The following ZNF253 variants were observed in gnomAD, a reference collection of about 807,000 sequenced individuals.
ZNF253 encodes the protein zinc finger protein 253.
ZNF253 carries 8 observed loss-of-function variants against 11.9 expected under a neutral mutation model. The observed-to-expected ratio is 0.67, with a 90% confidence interval of 0.40 to 1.22. The LOEUF (loss-of-function observed/expected upper bound fraction) is 1.22, where lower values mean the gene tolerates loss of function less well. Ranked by LOEUF, ZNF253 falls within the 50% of genes most tolerant of loss-of-function variation. The pLI is 0.01. For synonymous variants in ZNF253, 194 were observed against 194.9 expected, an observed-to-expected ratio of 1.00 and a Z score of 0.04; for missense variants, 485 against 586.9, an observed-to-expected ratio of 0.83 and a Z score of 1.79.
At chr19:19,886,087 G>T (rs1352464821) in intron 3 of ZNF253, among the ~76,000 whole-genome samples, 1 of 152,100 alleles carries the variant, frequency 6.6e-6, no homozygotes, top group Non-Finnish European at 1.5e-5. Context: ...CAGTCTCCTG[G>T]GCTCAAGTGA....
chr19:19,868,776 T>C (rs1229872075), intron 1 of ZNF253, among the ~76,000 whole-genome samples: 1 of 152,102 alleles, frequency 6.6e-6, no homozygotes, highest in Non-Finnish European at 1.5e-5. Context: ...GGCACGTGTA[T>C]ACCTATGTAA....
chr19:19,865,949 G>C lies in ZNF253; in HGVS notation c.-48G>C. ...TCCTCTGTGGCCGTGTGACCTGCAA[G>C]TATTGGGAGAGCCACAGCTAAACCC... On this transcript the variant is annotated 5_prime_UTR_variant, in exon 1 of 4. Coordinates refer to ENST00000589717, the MANE Select transcript of ZNF253 (RefSeq NM_021047.3). 1 of 1,613,988 alleles carries C rather than the reference G, an allele frequency of 6.2e-7. No individual in the cohort carries two copies. The highest frequency in any genetic ancestry group is 1.1e-5 in the South Asian group (1 of 91,072).
chr19:19,885,264 TTTC>T (rs1568498678), intron 3 of ZNF253, among the ~76,000 whole-genome samples: 32 of 66,100 alleles, frequency 4.8e-4, no homozygotes, highest in South Asian at 4.8e-3. Flanking sequence ...TCTTTCTTTC[TTTC>T]TTTCTTTCTT....
intron 1 of ZNF253, among the ~76,000 whole-genome samples, chr19:19,873,599 A>C (rs549545322): frequency 1.6e-4 from 24 of 152,172 alleles, no homozygotes; most frequent in Non-Finnish European, 2.6e-4. Context: ...GGTTGGTACC[A>C]AGATGAGAGT....
In ZNF253 at chr19:19,877,008, G is replaced by A. The variant is rs2063158541; in HGVS notation, c.4-1473G>A. Among the ~76,000 whole-genome samples the A allele has an allele frequency of 2.0e-5, 3 of 152,244 alleles. No homozygotes were observed. The South Asian group carries it at 6.2e-4, about 32-fold the overall frequency. Reference sequence around the variant, plus strand: ...TAAAAATGTTCCCTTCGTGGCTGTTGAACATGGAAAGACGTGGATACTCAA... The same window carrying A: ...TAAAAATGTTCCCTTCGTGGCTGTTAAACATGGAAAGACGTGGATACTCAA... On this transcript the variant is annotated intron_variant, in intron 1 of 3. Coordinates refer to ENST00000589717, the MANE Select transcript of ZNF253 (RefSeq NM_021047.3).
chr19:19,887,920 AG>A (rs760620931), intron 3 of ZNF253, among the ~76,000 whole-genome samples: 4 of 151,282 alleles, frequency 2.6e-5, no homozygotes, highest in Non-Finnish European at 5.9e-5. Context: ...TATTTTTAGT[AG>A]AGATGGGGTT....
In ZNF253 at chr19:19,892,375, T is replaced by A. The variant is rs2063235972; in HGVS notation, c.1128T>A (p.Ala376=). The change falls in exon 4 of 4, where the codon GCT becomes GCA. Residue 376 remains alanine (A), a synonymous_variant. Transcript: ENST00000589717. ...ACAGATGTAGAGAATGTGGCAAAGC[T>A]TTTAACCATTCCACAACCCTTTTTT... ...KPYRCRECGK[A]FNHSTTLFSH... The A allele has an allele frequency of 5.6e-6, 9 of 1,613,294 alleles. No homozygotes were observed. In the East Asian group the frequency reaches 2.0e-4, roughly 36 times the overall value.
chr19:19,878,457 T>A (rs2063164393), intron 1 of ZNF253, 24 bp from the exon 2 acceptor site: 3 of 1,611,358 alleles, frequency 1.9e-6, no homozygotes, highest in Non-Finnish European at 1.7e-6. Context: ...ATTTAGTAAT[T>A]ATGTGTGTGT....
intron 1 of ZNF253, among the ~76,000 whole-genome samples, chr19:19,871,661 G>T (rs1477534530): frequency 1.3e-5 from 2 of 152,134 alleles, no homozygotes; most frequent in African/African-American, 4.8e-5. Flanking sequence ...AATTTAGGAT[G>T]AACTATGTAT....
chr19:19,883,540 A>C (rs780831364), intron 3 of ZNF253, among the ~76,000 whole-genome samples: 1 of 152,128 alleles, frequency 6.6e-6, no homozygotes, highest in Admixed American at 6.5e-5. Flanking sequence ...GTGCCACTAC[A>C]TTGCAGGTTG....
chr19:19,894,250 A>G lies in ZNF253; in HGVS notation c.*1503A>G, dbSNP rs2063245307. On this transcript the variant is annotated 3_prime_UTR_variant, in exon 4 of 4. Coordinates refer to ENST00000589717, the MANE Select transcript of ZNF253 (RefSeq NM_021047.3). ...GAAAGTATACTTGTTTTCTTGAAAA[A>G]ATTTTTTTGAAAAGTGAATAATGAT... The G allele has an allele frequency of 6.6e-6, 1 of 152,178 alleles. No homozygotes were observed. Among genetic ancestry groups the G allele is most frequent in the Non-Finnish European group, 1.5e-5 (1 of 68,026 alleles). The allele number at this position is 152,178 out of a possible 1,614,324, so 9.4% of individuals were successfully genotyped here.
In ZNF253 at chr19:19,893,101, C is replaced by CAGGCATGCACGA; in HGVS notation, c.*354_*355insAGGCATGCACGA. On this transcript the variant is annotated 3_prime_UTR_variant, in exon 4 of 4. Transcript: ENST00000589717. ...TAAGCCATTCTTCTGCCTCAGCCTC[C>CAGGCATGCACGA]CAAGTAGCTGGGATTACAGGTGCCC... The CAGGCATGCACGA allele has an allele frequency of 5.1e-6, 1 of 195,340 alleles. No homozygotes were observed. The highest frequency in any genetic ancestry group is 1.0e-5 in the Non-Finnish European group (1 of 95,654). 12.1% of individuals were successfully genotyped at this position (195,340 alleles called of 1,614,324 possible). A position where few individuals can be genotyped will look rare whatever the true frequency, so the allele number is the denominator to read the frequency against.
chr19:19,877,084 A>G (rs2145266260), intron 1 of ZNF253, among the ~76,000 whole-genome samples: 1 of 152,306 alleles, frequency 6.6e-6, no homozygotes, highest in South Asian at 2.1e-4. Context: ...AGAACATGTA[A>G]TGTTGAGGCT....
rs1170126530 is a variant in ZNF253 at position 19,892,023 on chromosome 19, A to C, written c.776A>C (p.Glu259Ala). The C allele has an allele frequency of 6.2e-7, 1 of 1,613,742 alleles. No homozygotes were observed. The highest frequency in any genetic ancestry group is 8.5e-7 in the Non-Finnish European group (1 of 1,179,952). The change falls in exon 4 of 4, where the codon GAA becomes GCA. Residue 259 changes from glutamate to alanine, a missense_variant. Glu to Ala is a moderately radical substitution (Grantham distance 107, BLOSUM62 -1). Around this residue, in one of 3 missense-constraint regions of ZNF253, gnomAD observed 232 missense variants for 321.4 expected, o/e 0.72. Coordinates refer to ENST00000589717, the MANE Select transcript of ZNF253 (RefSeq NM_021047.3). ...ACTGGAGAGAAACCCTACAAATGTG[A>C]AGAATGTGGCAAAGCCTTCAACCGA... is the stretch of plus-strand genomic sequence containing the variant. Reference protein sequence around the residue: ...IHTGEKPYKCEECGKAFNRST... With the variant: ...IHTGEKPYKCAECGKAFNRST...
intron 3 of ZNF253, among the ~76,000 whole-genome samples, chr19:19,880,421 C>A (rs528750387): frequency 6.6e-6 from 1 of 151,730 alleles, no homozygotes; most frequent in African/African-American, 2.4e-5. Context: ...AAAGGCTGCG[C>A]GGGCTAGGAG....
chr19:19,892,975 T>G lies in ZNF253; in HGVS notation c.*228T>G. 2.1e-6 allele frequency: 1 copy of G among 476,526 alleles called. No individual in the cohort carries two copies. Among genetic ancestry groups the G allele is most frequent in the Non-Finnish European group, 3.6e-6 (1 of 279,516 alleles). 29.5% of individuals were successfully genotyped at this position (476,526 alleles called of 1,614,324 possible). A position where few individuals can be genotyped will look rare whatever the true frequency, so the allele number is the denominator to read the frequency against. On this transcript the variant is annotated 3_prime_UTR_variant, in exon 4 of 4. Transcript: ENST00000589717. ...GCAAAACCTATAAACCTATAACAAGTTCTCAATTCCTTTTTTTTTGAGATG... is the reference window on the plus strand; with the variant it reads ...GCAAAACCTATAAACCTATAACAAGGTCTCAATTCCTTTTTTTTTGAGATG...
In ZNF253 at chr19:19,893,648, A is replaced by C. The variant is rs1161596982; in HGVS notation, c.*901A>C. 1.3e-5 allele frequency: 2 copies of C among 152,254 alleles called. No individual in the cohort carries two copies. The highest frequency in any genetic ancestry group is 2.9e-5 in the Non-Finnish European group (2 of 68,040). 9.4% of individuals were successfully genotyped at this position (152,254 alleles called of 1,614,324 possible). A position where few individuals can be genotyped will look rare whatever the true frequency, so the allele number is the denominator to read the frequency against. ...CAAATACAAAGAATATGGAAAAACC[A>C]TTAATGCCTACTCACATCTTACTGA... On this transcript the variant is annotated 3_prime_UTR_variant, in exon 4 of 4. Transcript: ENST00000589717.
chr19:19,873,954 G>T (rs1176972841), intron 1 of ZNF253, among the ~76,000 whole-genome samples: 2 of 151,616 alleles, frequency 1.3e-5, no homozygotes, highest in African/African-American at 4.9e-5. Flanking sequence ...TGTCGCCCAG[G>T]ATGGAGTGCA....
rs757858439 is a variant in ZNF253 at position 19,880,096 on chromosome 19, GA to G, written c.183del (p.Lys61AsnfsTer3). 4 of 1,607,386 alleles carry G rather than the reference GA, an allele frequency of 2.5e-6. No homozygotes were observed. In the Admixed American group the frequency reaches 5.1e-5, roughly 20 times the overall value. On this transcript the variant is annotated frameshift_variant, in exon 3 of 4. Coordinates refer to ENST00000589717, the MANE Select transcript of ZNF253 (RefSeq NM_021047.3). LOFTEE classifies it low-confidence loss of function (END_TRUNC). ...KPDLVTCLEQ[G>X]KKPLTMERHE... ...GACCTGGTTACCTGTCTGGAGCAAG[GA>G]AAAAAACCTTTAACTATGGAAAGAC...
Sources: gnomAD v4.1 joint callset for allele counts (sites outside exome capture counted in the v4.1 genomes callset) on GRCh38, gnomAD v4.1.1 for gene constraint, gnomAD v4.1.1 regional missense constraint, MANE v1.5 for transcripts, NCBI Gene and HGNC (gene_info 2026-07-23, HGNC 2026-07-21) for gene names.